AKT3: variants seen among roughly 807,000 people sequenced by gnomAD.
The protein encoded by AKT3 is AKT serine/threonine kinase 3.
A neutral mutation model predicts 65.3 loss-of-function variants in AKT3; 15 were observed. That is an observed-to-expected ratio of 0.23 (90% confidence interval 0.15 to 0.35). AKT3 has a LOEUF of 0.35. Ranked by LOEUF, AKT3 falls within the 10% of genes least tolerant of loss-of-function variation. AKT3 has a pLI of 1.00. For missense variants in AKT3, 243 were observed against 576.5 expected (o/e 0.42, Z 5.92); for synonymous variants, 206 against 183.8 (o/e 1.12, Z -0.98).
chr1:243,770,096 G>T (rs1477553478), intron 2 of AKT3, among the ~76,000 whole-genome samples: 1 of 152,108 alleles, frequency 6.6e-6, no homozygotes, highest in African/African-American at 2.4e-5. Context: ...TGCCATCCTT[G>T]TTGAATACCA....
At chr1:243,510,337 G>C (rs138284101) in intron 13 of AKT3, among the ~76,000 whole-genome samples, 1 of 152,288 alleles carries the variant, frequency 6.6e-6, no homozygotes, top group East Asian at 1.9e-4. Flanking sequence ...GGCTAATAAC[G>C]AATGAGACAA....
intron 13 of AKT3, among the ~76,000 whole-genome samples, chr1:243,507,213 C>T (rs189046285): frequency 1.3e-5 from 2 of 152,178 alleles, no homozygotes; most frequent in South Asian, 2.1e-4. Context: ...TCCAGCCCGG[C>T]GAGGTTCAGC....
chr1:243,589,079 G>C (rs527556413), intron 8 of AKT3, among the ~76,000 whole-genome samples: 23 of 151,996 alleles, frequency 1.5e-4, no homozygotes, highest in Non-Finnish European at 2.6e-4. Context: ...AGGCTGAGGA[G>C]GATGGATCAT....
intron 2 of AKT3, among the ~76,000 whole-genome samples, chr1:243,807,495 C>T (rs373568914): frequency 4.6e-5 from 7 of 152,168 alleles, no homozygotes; most frequent in South Asian, 4.1e-4. Flanking sequence ...GAGGGGCGCC[C>T]GCCATTGCTG....
chr1:243,600,883 G>A lies in AKT3; in HGVS notation c.696+12788C>T, dbSNP rs191784133. ...TGTGTTTCCTCTAATTTAGAAGTCT[G>A]CCCTTCATACTGGTTGGAAAGCCTA... On this transcript the variant is annotated intron_variant, in intron 8 of 13. Transcript: ENST00000673466. Among the ~76,000 whole-genome samples the A allele has an allele frequency of 1.8e-3, 267 of 152,214 alleles. 1 individual carries two copies. Among genetic ancestry groups the A allele is most frequent in the Non-Finnish European group, 9.0e-4 (61 of 67,990 alleles).
chr1:243,762,875 G>A (rs1182314628), intron 2 of AKT3, among the ~76,000 whole-genome samples: 2 of 151,978 alleles, frequency 1.3e-5, no homozygotes, highest in African/African-American at 4.8e-5. Flanking sequence ...ATGACATAAA[G>A]ACAGACTTAT....
chr1:243,560,611 A>G (rs1673708860), intron 10 of AKT3, among the ~76,000 whole-genome samples: 1 of 152,156 alleles, frequency 6.6e-6, no homozygotes, highest in Non-Finnish European at 1.5e-5. Flanking sequence ...GGATGGGTAT[A>G]CAAACTGTTT....
At chr1:243,691,260 A>C (rs754999600) in intron 3 of AKT3, among the ~76,000 whole-genome samples, 1 of 152,240 alleles carries the variant, frequency 6.6e-6, no homozygotes, top group African/African-American at 2.4e-5. Flanking sequence ...TTGCTGATAC[A>C]TAATTGTAGA....
intron 1 of AKT3, among the ~76,000 whole-genome samples, chr1:243,848,821 C>G (rs966008837): frequency 6.6e-5 from 10 of 152,228 alleles, no homozygotes; most frequent in African/African-American, 2.4e-4. Flanking sequence ...TGTTGACTTT[C>G]TATTTGGAAA....
intron 2 of AKT3, among the ~76,000 whole-genome samples, chr1:243,786,966 A>C (rs1447860003): frequency 6.6e-6 from 1 of 152,232 alleles, no homozygotes; most frequent in East Asian, 1.9e-4. Context: ...CTGAGAACAC[A>C]GTGTGTATTC....
At chr1:243,556,350 A>G (rs1673406391) in intron 10 of AKT3, among the ~76,000 whole-genome samples, 1 of 152,182 alleles carries the variant, frequency 6.6e-6, no homozygotes, top group African/African-American at 2.4e-5. Context: ...CTACCAATTC[A>G]AGTTACTAAT....
At chr1:243,545,315 A>G (rs1031320778) in intron 12 of AKT3, among the ~76,000 whole-genome samples, 195 bp downstream of exon 12, 1 of 152,232 alleles carries the variant, frequency 6.6e-6, no homozygotes, top group African/African-American at 2.4e-5. Context: ...GTTGAGCAAA[A>G]TCTCAAGAGG....
In AKT3 at chr1:243,798,393, ATTTTT is replaced by A. The variant is rs759264137; in HGVS notation, c.46+44727_46+44731del. 3.2e-3 allele frequency among the ~76,000 whole-genome samples: 265 copies of A among 83,322 alleles called. 3 individuals carry two copies. The highest frequency in any genetic ancestry group is 0.03 in the Admixed American group (156 of 5,250). 54.7% of individuals were successfully genotyped at this position (83,322 alleles called of 152,430 possible). On this transcript the variant is annotated intron_variant, in intron 2 of 13. Coordinates refer to ENST00000673466, the MANE Select transcript of AKT3 (RefSeq NM_005465.7). ...CACCACTACACCTGGCTAATTTTTA[ATTTTT>A]TTTTTTTTTTTTTTTTTTTGTTTTG... is the stretch of plus-strand genomic sequence containing the variant.
At chr1:243,599,759 T>C (rs1488786166) in intron 8 of AKT3, among the ~76,000 whole-genome samples, 1 of 152,140 alleles carries the variant, frequency 6.6e-6, no homozygotes, top group East Asian at 1.9e-4. Context: ...GCTTCTGCCC[T>C]AAAATTAGGT....
At chr1:243,800,292 A>C (rs892583067) in intron 2 of AKT3, among the ~76,000 whole-genome samples, 7 of 152,320 alleles carry the variant, frequency 4.6e-5, no homozygotes, top group Admixed American at 2.6e-4. Flanking sequence ...CCAACCTTAC[A>C]GGGCTGTTGT....
chr1:243,633,844 G>A (rs1679782507), intron 6 of AKT3, among the ~76,000 whole-genome samples: 3 of 152,086 alleles, frequency 2.0e-5, no homozygotes, highest in Non-Finnish European at 4.4e-5. Flanking sequence ...GATTGGGAAA[G>A]TCGATTAAAC....
chr1:243,705,848 C>G (rs1328713477), intron 2 of AKT3, among the ~76,000 whole-genome samples: 1 of 152,188 alleles, frequency 6.6e-6, no homozygotes, highest in Non-Finnish European at 1.5e-5. Context: ...GAAAGCAGAG[C>G]TTTCTTTTTA....
intron 8 of AKT3, among the ~76,000 whole-genome samples, chr1:243,612,100 T>C (rs1677913302): frequency 6.6e-6 from 1 of 152,052 alleles, no homozygotes; most frequent in Admixed American, 6.6e-5. Context: ...AATTAAGTTT[T>C]GGGTTTTGAT....
intron 2 of AKT3, among the ~76,000 whole-genome samples, chr1:243,777,742 TCATCTTTTTTGGAAGACATTACACAAAG>T (rs1484255898): frequency 6.6e-6 from 1 of 152,200 alleles, no homozygotes; most frequent in African/African-American, 2.4e-5. Context: ...GCCCCATCTC[TCATCTTTTTTGGAAGACATTACACAAAG>T]CATAAAATCA....
Sources: allele counts gnomAD v4.1 joint callset (sites outside exome capture counted in the v4.1 genomes callset), GRCh38; gene constraint gnomAD v4.1.1; transcripts MANE v1.5; gene names NCBI Gene and HGNC (gene_info 2026-07-23, HGNC 2026-07-21).